The following CERT1 variants were observed in gnomAD, a reference collection of about 807,000 sequenced individuals.
The protein encoded by CERT1 is ceramide transporter 1.
A neutral mutation model predicts 87.9 loss-of-function variants in CERT1; 31 were observed. The observed-to-expected ratio is 0.35, with a 90% CI of 0.27 to 0.48. The LOEUF (loss-of-function observed/expected upper bound fraction) is 0.48, where lower values mean the gene tolerates loss of function less well. Ranked by LOEUF, CERT1 falls within the 20% of genes least tolerant of loss-of-function variation. The pLI is 0.99. For missense variants in CERT1, 487 were observed against 758.0 expected (o/e 0.64, Z 4.20); for synonymous variants, 289 against 250.9 (o/e 1.15, Z -1.44).
intron 2 of CERT1, among the ~76,000 whole-genome samples, chr5:75,496,230 T>C (rs997055658): frequency 6.8e-6 from 1 of 146,964 alleles, no homozygotes; most frequent in Admixed American, 6.8e-5. Context: ...ATTAGGGAAA[T>C]GCAAATGGAA....
intron 2 of CERT1, among the ~76,000 whole-genome samples, chr5:75,494,029 TACTG>T (rs376377882): frequency 3.5e-4 from 53 of 152,302 alleles, no homozygotes; most frequent in African/African-American, 1.2e-3. Flanking sequence ...TCTTTAAAAA[TACTG>T]ACAAATTTCC....
In CERT1 at chr5:75,425,371, T is replaced by C. The variant is rs770209217; in HGVS notation, c.585A>G (p.Gln195=). The change falls in exon 5 of 17, where the codon CAA becomes CAG. Residue 195 remains glutamine, a synonymous_variant. Coordinates refer to ENST00000643780, the MANE Select transcript of CERT1 (RefSeq NM_001379029.1). ...AATAGCCTAATTAACCTTTATCCCTTTGAAGTTCATCCTTAGAGACAGCAT... is the reference window on the plus strand; with the variant it reads ...AATAGCCTAATTAACCTTTATCCCTCTGAAGTTCATCCTTAGAGACAGCAT... ...CADAVSKDEL[Q]RDKVVEDDED... is the part of the protein sequence containing the mutation. 1 of 1,613,522 alleles carries C rather than the reference T, an allele frequency of 6.2e-7. No homozygotes were observed. The highest frequency in any genetic ancestry group is 1.1e-5 in the South Asian group (1 of 90,892).
chr5:75,503,916 A>AATT (rs1374804245), intron 2 of CERT1, among the ~76,000 whole-genome samples: 35 of 151,620 alleles, frequency 2.3e-4, no homozygotes, highest in South Asian at 6.2e-4. Context: ...GTTTAATTTA[A>AATT]AATTTTCTTT....
intron 2 of CERT1, among the ~76,000 whole-genome samples, chr5:75,473,418 AT>A (rs1276561675): frequency 2.6e-5 from 4 of 152,180 alleles, no homozygotes; most frequent in African/African-American, 9.7e-5. Flanking sequence ...AAATGCTGTC[AT>A]TTTTGACAAT....
At chr5:75,433,760 G>A (rs1350396444) in intron 3 of CERT1, among the ~76,000 whole-genome samples, 3 of 152,144 alleles carry the variant, frequency 2.0e-5, no homozygotes. Context: ...GGTCTCAAGT[G>A]ATCCTTCTGC....
intron 2 of CERT1, among the ~76,000 whole-genome samples, chr5:75,461,600 T>C (rs1222362048): frequency 6.6e-6 from 1 of 152,224 alleles, no homozygotes; most frequent in Non-Finnish European, 1.5e-5. Flanking sequence ...TGTTTTACAT[T>C]TTGTAATGTG....
At chr5:75,425,258 G>A in intron 5 of CERT1, 103 bp downstream of exon 5, 1 of 1,140,894 alleles carries the variant, frequency 8.8e-7, no homozygotes, top group Non-Finnish European at 1.2e-6. Flanking sequence ...AGCAAAAAAT[G>A]ACTATAAACA....
rs528734116 is a variant in CERT1, at chr5:75,386,140, C to T, written c.1285-106G>A. The T allele has an allele frequency of 3.5e-6, 3 of 855,738 alleles. No individual in the cohort carries two copies. In the African/African-American group the frequency reaches 5.3e-5, roughly 15 times the overall value. 53.0% of individuals were successfully genotyped at this position (855,738 alleles called of 1,614,324 possible). ...CTGCTCTTTAGATTTTTATGAAAGT[C>T]TATTTATAGAACATATTCTGCTAAA... On this transcript the variant is annotated intron_variant, in intron 12 of 16. Transcript: ENST00000643780.
chr5:75,464,855 G>A (rs913677324), intron 2 of CERT1, among the ~76,000 whole-genome samples: 1 of 152,156 alleles, frequency 6.6e-6, no homozygotes, highest in Non-Finnish European at 1.5e-5. Context: ...TGGGACTAGA[G>A]GCATGAGCCA....
intron 3 of CERT1, among the ~76,000 whole-genome samples, chr5:75,432,716 T>C (rs893494107): frequency 2.6e-5 from 4 of 152,278 alleles, no homozygotes; most frequent in African/African-American, 9.6e-5. Flanking sequence ...GTTTCACTTG[T>C]CAATTTTTGT....
chr5:75,456,021 T>TTTATA (rs1764967621), intron 3 of CERT1, among the ~76,000 whole-genome samples: 1 of 152,130 alleles, frequency 6.6e-6, no homozygotes, highest in Non-Finnish European at 1.5e-5. Flanking sequence ...GCCTGTACAG[T>TTTATA]TTTATATAGA....
intron 3 of CERT1, among the ~76,000 whole-genome samples, chr5:75,450,811 T>C (rs924578782): frequency 6.6e-6 from 1 of 152,216 alleles, no homozygotes; most frequent in African/African-American, 2.4e-5. Flanking sequence ...TTCCAAGTTT[T>C]CTGGCTTTTC....
intron 15 of CERT1, 112 bp from the exon 16 acceptor site, chr5:75,381,313 G>A: frequency 8.3e-7 from 1 of 1,210,526 alleles, no homozygotes; most frequent in South Asian, 1.4e-5. Flanking sequence ...TATCTCCAGT[G>A]AAATCTTATA....
chr5:75,482,460 G>C (rs111660817), intron 2 of CERT1, among the ~76,000 whole-genome samples: 1 of 152,200 alleles, frequency 6.6e-6, no homozygotes, highest in African/African-American at 2.4e-5. Flanking sequence ...CCACCCTAAA[G>C]GGAAGGACAT....
intron 14 of CERT1, among the ~76,000 whole-genome samples, chr5:75,382,488 T>C (rs1761626208): frequency 6.6e-6 from 1 of 152,106 alleles, no homozygotes; most frequent in African/African-American, 2.4e-5. Flanking sequence ...ATGTTCTACT[T>C]AGATTCAAAG....
At position 75,404,495 on chromosome 5, in the gene CERT1, A is replaced by T. The variant is rs537660543; in HGVS notation, c.931-1437T>A. On this transcript the variant is annotated intron_variant, in intron 8 of 16. Transcript: ENST00000643780. The stretch of plus-strand genomic sequence containing the variant: ...TACAAAATCAAAACATTTCAAAGAC[A>T]GTAAAATGACAGCAGGACAACTTTG... 7.2e-5 allele frequency among the ~76,000 whole-genome samples: 11 copies of T among 152,310 alleles called. No individual in the cohort carries two copies. In the East Asian group the frequency reaches 1.9e-3, roughly 27 times the overall value.
At chr5:75,462,576 C>T (rs1327003418) in intron 2 of CERT1, among the ~76,000 whole-genome samples, 4 of 151,770 alleles carry the variant, frequency 2.6e-5, no homozygotes, top group Non-Finnish European at 5.9e-5. Context: ...TTTGAGGACC[C>T]CCGATCTAAA....
chr5:75,394,835 G>A (rs1003998848), intron 11 of CERT1, among the ~76,000 whole-genome samples: 10 of 152,126 alleles, frequency 6.6e-5, no homozygotes, highest in African/African-American at 2.4e-4. Context: ...AATTAGATAA[G>A]GGTGCAAAGA....
chr5:75,474,599 GAT>G (rs1765873697), intron 2 of CERT1, among the ~76,000 whole-genome samples: 2 of 152,144 alleles, frequency 1.3e-5, no homozygotes, highest in South Asian at 4.1e-4. Flanking sequence ...CCCAGTGGAT[GAT>G]AGTCTCATGT....
Sources: allele counts gnomAD v4.1 joint callset (sites outside exome capture counted in the v4.1 genomes callset), GRCh38; gene constraint gnomAD v4.1.1; transcripts MANE v1.5; gene names NCBI Gene and HGNC (gene_info 2026-07-23, HGNC 2026-07-21).